MGAT4C: variants seen among roughly 807,000 people sequenced by gnomAD.
MGAT4C encodes MGAT4 family member C.
Under a neutral mutation model 40.1 loss-of-function variants are expected in MGAT4C, and 19 were observed. The observed-to-expected ratio is 0.47, with a 90% CI of 0.33 to 0.70. The LOEUF (loss-of-function observed/expected upper bound fraction) is 0.70. Ranked by LOEUF, MGAT4C falls within the 30% of genes least tolerant of loss-of-function variation. The pLI is 0.02. For missense variants in MGAT4C, 491 were observed against 563.2 expected, an observed-to-expected ratio of 0.87 and a Z score of 1.30; for synonymous variants, 181 against 187.1, an observed-to-expected ratio of 0.97 and a Z score of 0.27.
At chr12:86,654,869 T>C (rs577225703) in intron 2 of MGAT4C, among the ~76,000 whole-genome samples, 1 of 151,954 alleles carries the variant, frequency 6.6e-6, no homozygotes, top group Non-Finnish European at 1.5e-5. Context: ...TCTTTCAAGA[T>C]CATCAATTAC....
At chr12:86,570,232 A>C (rs1465206033) in intron 2 of MGAT4C, among the ~76,000 whole-genome samples, 2 of 152,160 alleles carry the variant, frequency 1.3e-5, no homozygotes, top group Non-Finnish European at 2.9e-5. Context: ...GAAGTAGTGC[A>C]TATGTAATTA....
intron 1 of MGAT4C, among the ~76,000 whole-genome samples, chr12:86,765,732 A>C (rs1382212305): frequency 6.6e-5 from 10 of 152,242 alleles, no homozygotes; most frequent in Non-Finnish European, 1.3e-4. Context: ...AAAGAAAAGA[A>C]TATTCAACCC....
intron 1 of MGAT4C, among the ~76,000 whole-genome samples, chr12:86,779,864 G>A (rs989944876): frequency 2.0e-4 from 30 of 152,090 alleles, no homozygotes; most frequent in African/African-American, 7.0e-4. Context: ...TGTGAGCAGA[G>A]ATTGCGCCAC....
intron 1 of MGAT4C, among the ~76,000 whole-genome samples, chr12:86,796,849 C>T (rs1364935633): frequency 2.0e-5 from 3 of 151,774 alleles, no homozygotes; most frequent in Admixed American, 1.3e-4. Flanking sequence ...TAGATTTAGT[C>T]ATTCCAAAAT....
At chr12:86,590,664 G>A (rs1961295520) in intron 2 of MGAT4C, among the ~76,000 whole-genome samples, 2 of 151,790 alleles carry the variant, frequency 1.3e-5, no homozygotes, top group Admixed American at 1.3e-4. Context: ...GCTTACACAG[G>A]CATACAACAA....
intron 1 of MGAT4C, among the ~76,000 whole-genome samples, chr12:86,113,485 A>G (rs1403941986): frequency 6.6e-6 from 1 of 151,812 alleles, no homozygotes; most frequent in African/African-American, 2.4e-5. Context: ...TCTTTAGGTA[A>G]GATAGAAGAA....
intron 2 of MGAT4C, among the ~76,000 whole-genome samples, chr12:86,710,369 G>A (rs765119509): frequency 6.6e-6 from 1 of 152,190 alleles, no homozygotes; most frequent in Non-Finnish European, 1.5e-5. Context: ...CCAGGGATAT[G>A]AGTTGTCTTA....
intron 2 of MGAT4C, among the ~76,000 whole-genome samples, chr12:86,685,138 A>T (rs1187474084): frequency 1.3e-5 from 2 of 152,032 alleles, no homozygotes; most frequent in African/African-American, 4.8e-5. Context: ...GGTATTGCCT[A>T]GGTTTTCTTC....
At chr12:86,406,807 A>G (rs1335579521) in intron 3 of MGAT4C, among the ~76,000 whole-genome samples, 3 of 152,116 alleles carry the variant, frequency 2.0e-5, no homozygotes, top group Admixed American at 2.0e-4. Flanking sequence ...CACACTCAAC[A>G]CGCATACTTC....
intron 1 of MGAT4C, among the ~76,000 whole-genome samples, chr12:86,228,062 C>A (rs1951166226): frequency 6.6e-6 from 1 of 151,746 alleles, no homozygotes; most frequent in South Asian, 2.1e-4. Flanking sequence ...ATTTATTGAA[C>A]TACATTATGC....
At chr12:86,540,908 C>T (rs1460337516) in intron 2 of MGAT4C, among the ~76,000 whole-genome samples, 1 of 152,208 alleles carries the variant, frequency 6.6e-6, no homozygotes, top group Non-Finnish European at 1.5e-5. Flanking sequence ...ATGAACAAAA[C>T]ATCCATCTAG....
chr12:86,088,025 A>C (rs1427161215), intron 1 of MGAT4C, among the ~76,000 whole-genome samples: 1 of 152,060 alleles, frequency 6.6e-6, no homozygotes, highest in Non-Finnish European at 1.5e-5. Flanking sequence ...CTGGTACAAA[A>C]ACAGACACAT....
intron 1 of MGAT4C, among the ~76,000 whole-genome samples, chr12:86,240,627 T>A (rs1419453938): frequency 6.6e-6 from 1 of 152,126 alleles, no homozygotes; most frequent in Non-Finnish European, 1.5e-5. Flanking sequence ...ATTTGTTTAA[T>A]CCTTTTATTT....
chr12:86,788,160 C>CAT (rs1951965219), intron 1 of MGAT4C, among the ~76,000 whole-genome samples: 1 of 150,836 alleles, frequency 6.6e-6, no homozygotes, highest in African/African-American at 2.4e-5. Flanking sequence ...TACATATACA[C>CAT]ATATATATGT....
chr12:86,669,272 G>C (rs1211537303), intron 2 of MGAT4C, among the ~76,000 whole-genome samples: 3 of 151,970 alleles, frequency 2.0e-5, no homozygotes, highest in Admixed American at 6.6e-5. Flanking sequence ...TGCTCACCTG[G>C]AACAGCAGAA....
At chr12:86,079,750 TA>T (rs1027449274) in intron 1 of MGAT4C, among the ~76,000 whole-genome samples, 1 of 151,308 alleles carries the variant, frequency 6.6e-6, no homozygotes, top group African/African-American at 2.4e-5. Flanking sequence ...TATAAGTGTG[TA>T]AAAATAATAT....
chr12:86,290,364 C>T (rs2406118), intron 4 of MGAT4C, among the ~76,000 whole-genome samples: 99,434 of 152,044 alleles, frequency 0.65, 33,290 homozygotes, highest in South Asian at 0.78. Context: ...ATAAAAGCTA[C>T]GCAGGAGAGC....
chr12:86,376,218 CAAAAAAAAAAA>C (rs1166300466), intron 3 of MGAT4C, among the ~76,000 whole-genome samples: 3 of 50,760 alleles, frequency 5.9e-5, no homozygotes. Context: ...TAACACATGT[CAAAAAAAAAAA>C]AAAAAAAAAA....
At chr12:86,661,089 G>A (rs1342500349) in intron 2 of MGAT4C, among the ~76,000 whole-genome samples, 5 of 152,118 alleles carry the variant, frequency 3.3e-5, no homozygotes, top group South Asian at 2.1e-4. Context: ...AAGTTTATGG[G>A]TAAGAAGACC....
Sources: gnomAD v4.1 joint callset for allele counts (sites outside exome capture counted in the v4.1 genomes callset) on GRCh38, gnomAD v4.1.1 for gene constraint, MANE v1.5 for transcripts, NCBI Gene and HGNC (gene_info 2026-07-23, HGNC 2026-07-21) for gene names.